Variants in HEATR5B observed in about 807,000 individuals in gnomAD.
The protein encoded by HEATR5B is HEAT repeat-containing protein 5B.
Under a neutral mutation model 224.1 loss-of-function variants are expected in HEATR5B, and 156 were observed. The ratio of observed to expected loss-of-function variants is 0.70; its 90% confidence interval spans 0.61 to 0.80. HEATR5B has a LOEUF of 0.80. HEATR5B is among the 30% of genes least tolerant of loss of function. HEATR5B has a pLI of 0.00. For missense variants in HEATR5B, 2,323 were observed against 2,535.5 expected (o/e 0.92, Z 1.80); for synonymous variants, 1,027 against 893.0 (o/e 1.15, Z -2.68).
intron 26 of HEATR5B, 60 bp from the exon 27 acceptor site, chr2:37,014,080 G>T (rs1437326048): frequency 6.2e-6 from 6 of 961,084 alleles, no homozygotes; most frequent in Non-Finnish European, 7.5e-6. Context: ...ATAAGAAAAT[G>T]GAATAAATGA....
chr2:37,021,873 T>A (rs1668479774), intron 24 of HEATR5B, among the ~76,000 whole-genome samples: 1 of 129,242 alleles, frequency 7.7e-6, no homozygotes, highest in Admixed American at 7.8e-5. Context: ...GGTGACAAAG[T>A]GAGACCCTGT....
chr2:37,042,147 G>C (rs1669913356), intron 18 of HEATR5B, among the ~76,000 whole-genome samples: 2 of 151,698 alleles, frequency 1.3e-5, no homozygotes, highest in Admixed American at 1.3e-4. Flanking sequence ...ACCAACTTTA[G>C]GTATACAATT....
intron 22 of HEATR5B, 133 bp downstream of exon 22, chr2:37,032,493 AGTG>A (rs1669194358): frequency 2.4e-6 from 2 of 835,824 alleles, no homozygotes; most frequent in Non-Finnish European, 3.6e-6. Flanking sequence ...GAATTTTAAA[AGTG>A]GTAATGGTTT....
At position 37,065,758 on chromosome 2, in the gene HEATR5B, T is replaced by C. The variant is rs200783424; in HGVS notation, c.1330A>G (p.Ile444Val). ...TASPLIQEASIGLLEIVTSVL... is the reference protein window; with the variant it reads ...TASPLIQEASVGLLEIVTSVL... Reference sequence around the variant, plus strand: ...AGCAAGTAACTGAATGTCATACCTATAGATGCTTCTTGAATAAGAGGGGAT... The same window carrying C: ...AGCAAGTAACTGAATGTCATACCTACAGATGCTTCTTGAATAAGAGGGGAT... Residue 444 changes from isoleucine to valine, a missense_variant, in exon 9 of 36, where the codon ATA becomes GTA. This residue lies in a region of HEATR5B where 502 missense variants were observed against 517.8 expected (regional missense o/e 0.97). Coordinates refer to ENST00000233099, the MANE Select transcript of HEATR5B (RefSeq NM_019024.3). 3.1e-6 allele frequency: 5 copies of C among 1,612,940 alleles called. No homozygotes were observed. The highest frequency in any genetic ancestry group is 2.2e-5 in the East Asian group (1 of 44,850).
In HEATR5B at chr2:37,060,697, A is replaced by C; in HGVS notation, c.1733T>G (p.Leu578Trp). Reference protein sequence around the residue: ...SVVRYHLPKMLLLWRNVFPRS... With the variant: ...SVVRYHLPKMWLLWRNVFPRS... ...TGGGAAAACATTTCGCCACAATAAC[A>C]ACATCTTGGGCAGATGGTAACGAAC... is the stretch of plus-strand genomic sequence containing the variant. Residue 578 changes from leucine to tryptophan, a missense_variant, in exon 12 of 36, where the codon TTG becomes TGG. This residue lies in a region of HEATR5B where 502 missense variants were observed against 517.8 expected (regional missense o/e 0.97). Coordinates refer to ENST00000233099, the MANE Select transcript of HEATR5B (RefSeq NM_019024.3). 6.2e-7 allele frequency: 1 copy of C among 1,613,968 alleles called. No individual in the cohort carries two copies. The highest frequency in any genetic ancestry group is 8.5e-7 in the Non-Finnish European group (1 of 1,179,890).
At chr2:37,037,785 A>T (rs915605670) in intron 21 of HEATR5B, 70 bp downstream of exon 21, 5 of 1,179,200 alleles carry the variant, frequency 4.2e-6, no homozygotes, top group Non-Finnish European at 5.6e-6. Flanking sequence ...GTATGTATCC[A>T]TAAAAAATTT....
chr2:37,002,703 T>C (rs1667173063), intron 31 of HEATR5B, 131 bp from the exon 32 acceptor site: 1 of 869,246 alleles, frequency 1.2e-6, no homozygotes, highest in South Asian at 1.8e-5. Context: ...TCCTTCTCTG[T>C]ATAATTCTCT....
rs1672271060 is a variant in HEATR5B, at chr2:37,076,892, T to C, written c.447+19A>G. The C allele has an allele frequency of 2.0e-6, 3 of 1,532,080 alleles. No homozygotes were observed. The highest frequency in any genetic ancestry group is 1.7e-5 in the Admixed American group (1 of 58,732). The allele number at this position is 1,532,080 out of a possible 1,614,324, so 94.9% of individuals were successfully genotyped here. On this transcript the variant is annotated intron_variant, in intron 4 of 35. Coordinates refer to ENST00000233099, the MANE Select transcript of HEATR5B (RefSeq NM_019024.3). ...TTGCCACAAGCAAATATTCAAATAA[T>C]ATTGGTTGTAAAACTTACCTCTGCA...
intron 17 of HEATR5B, among the ~76,000 whole-genome samples, chr2:37,050,984 T>C (rs975376412): frequency 6.6e-6 from 1 of 152,104 alleles, no homozygotes; most frequent in Non-Finnish European, 1.5e-5. Context: ...GAGATGAGAC[T>C]GCAGTGAGCC....
At chr2:37,079,955 C>T (rs1407585251) in intron 2 of HEATR5B, among the ~76,000 whole-genome samples, 1 of 152,072 alleles carries the variant, frequency 6.6e-6, no homozygotes, top group Non-Finnish European at 1.5e-5. Flanking sequence ...ACCAAACAAA[C>T]AAATGAATAG....
rs573706382 is a variant in HEATR5B, at chr2:37,059,074, T to G, written c.1850-87A>C. The G allele has an allele frequency of 5.7e-5, 43 of 758,256 alleles. No individual in the cohort carries two copies. The East Asian group carries it at 1.0e-3, about 18-fold the overall frequency. 47.0% of individuals were successfully genotyped at this position (758,256 alleles called of 1,614,324 possible). The stretch of plus-strand genomic sequence containing the variant: ...AAAATTGTATAAATATAAAGGCAGT[T>G]GTAATACTTAATTATTATAACGTAT... On this transcript the variant is annotated intron_variant, in intron 12 of 35. Coordinates refer to ENST00000233099, the MANE Select transcript of HEATR5B (RefSeq NM_019024.3).
At chr2:37,045,560 C>A (rs1233802571) in intron 18 of HEATR5B, among the ~76,000 whole-genome samples, 1 of 152,174 alleles carries the variant, frequency 6.6e-6, no homozygotes, top group Non-Finnish European at 1.5e-5. Context: ...AAAATTGTTT[C>A]ACCTATTCCC....
rs377166072 is a variant in HEATR5B, at chr2:37,075,588, C to A, written c.494G>T (p.Ser165Ile). 1.2e-6 allele frequency: 2 copies of A among 1,613,754 alleles called. No homozygotes were observed. Among genetic ancestry groups the A allele is most frequent in the Non-Finnish European group, 8.5e-7 (1 of 1,179,834 alleles). The change falls in exon 5 of 36, where the codon AGT becomes ATT. Residue 165 changes from serine to isoleucine, a missense_variant. Ser to Ile is a moderately radical substitution (Grantham distance 142, BLOSUM62 -2). Coordinates refer to ENST00000233099, the MANE Select transcript of HEATR5B (RefSeq NM_019024.3). ...GGAAGCTGCTGCACCACCCAGTCCA[C>A]TTAGAACTTTCTGTAGACTCATTAA... ...EILMSLQKVL[S>I]GLGGAAASSH...
At position 37,027,908 on chromosome 2, in the gene HEATR5B, T is replaced by G. The variant is rs530345256; in HGVS notation, c.3853+15A>C. 6.2e-6 allele frequency: 10 copies of G among 1,608,160 alleles called. No homozygotes were observed. The South Asian group carries it at 8.8e-5, about 14-fold the overall frequency. ...TAAAAATGCTTTGGGGAAAAAGTAC[T>G]GATTTTAAATTTACTTGTAGGGTTT... On this transcript the variant is annotated intron_variant, in intron 24 of 35. Coordinates refer to ENST00000233099, the MANE Select transcript of HEATR5B (RefSeq NM_019024.3).
intron 28 of HEATR5B, among the ~76,000 whole-genome samples, chr2:37,007,668 T>C (rs1440104434): frequency 6.6e-6 from 1 of 152,188 alleles, no homozygotes. Flanking sequence ...CGCTCATTTA[T>C]GAACCACTAA....
intron 11 of HEATR5B, 97 bp from the exon 12 acceptor site, chr2:37,060,830 T>C: frequency 1.0e-6 from 1 of 993,862 alleles, no homozygotes; most frequent in East Asian, 2.6e-5. Context: ...TTATGTAATT[T>C]TAGAGATGAA....
chr2:37,016,403 G>A (rs547515974), intron 26 of HEATR5B, among the ~76,000 whole-genome samples: 69 of 151,904 alleles, frequency 4.5e-4, no homozygotes, highest in Non-Finnish European at 8.2e-4. Flanking sequence ...GAGCCACCGC[G>A]CCCGGCCACA....
At chr2:37,005,852 A>C (rs1667382503) in intron 29 of HEATR5B, 93 bp from the exon 30 acceptor site, 1 of 1,011,828 alleles carries the variant, frequency 9.9e-7, no homozygotes, top group Non-Finnish European at 1.4e-6. Context: ...GTTTTTACAG[A>C]TTACCTTAAC....
At chr2:37,067,979 AG>A (rs1671687767) in intron 8 of HEATR5B, among the ~76,000 whole-genome samples, 1 of 152,164 alleles carries the variant, frequency 6.6e-6, no homozygotes, top group African/African-American at 2.4e-5. Flanking sequence ...TATTAAAGTT[AG>A]TATAGTGAAA....
Sources: allele counts gnomAD v4.1 joint callset (sites outside exome capture counted in the v4.1 genomes callset), GRCh38; gene constraint gnomAD v4.1.1; regional missense constraint gnomAD v4.1.1; transcripts MANE v1.5; gene names NCBI Gene and HGNC (gene_info 2026-07-23, HGNC 2026-07-21).